VKORC1L1: variants seen among roughly 807,000 people sequenced by gnomAD.
The protein encoded by VKORC1L1 is vitamin K epoxide reductase complex subunit 1-like protein 1.
VKORC1L1 carries 2 observed loss-of-function variants against 18.9 expected under a neutral mutation model. The ratio of observed to expected loss-of-function variants is 0.11; its 90% CI spans 0.04 to 0.33. The LOEUF is 0.33. VKORC1L1 is among the 10% of genes least tolerant of loss of function. The probability of loss-of-function intolerance (pLI) is 1.00; values close to 1 mark genes in which losing one functional copy is unlikely to be tolerated. For missense variants in VKORC1L1, 123 were observed against 224.1 expected, an observed-to-expected ratio of 0.55 and a Z score of 2.88; for synonymous variants, 96 against 100.0, an observed-to-expected ratio of 0.96 and a Z score of 0.24.
chr7:65,920,870 AAAG>A (rs1298220521), intron 1 of VKORC1L1, among the ~76,000 whole-genome samples: 7 of 151,922 alleles, frequency 4.6e-5, no homozygotes, highest in Admixed American at 1.3e-4. Context: ...GGGAGGAAGA[AAAG>A]AAGGGAGAGA....
chr7:65,952,511 G>T (rs1034873393), intron 2 of VKORC1L1, among the ~76,000 whole-genome samples: 1 of 152,074 alleles, frequency 6.6e-6, no homozygotes, highest in Non-Finnish European at 1.5e-5. Flanking sequence ...CGGCCCACAG[G>T]CGTCTTCTTG....
chr7:65,873,347 AGGCGGCGGCGGC>A lies in VKORC1L1; in HGVS notation c.-16_-5del. The A allele has an allele frequency of 6.9e-7, 1 of 1,451,370 alleles. No homozygotes were observed. The highest frequency in any genetic ancestry group is 9.1e-7 in the Non-Finnish European group (1 of 1,102,278). The allele number at this position is 1,451,370 out of a possible 1,614,324, so 89.9% of individuals were successfully genotyped here. On this transcript the variant is annotated 5_prime_UTR_variant, in exon 1 of 3. Transcript: ENST00000360768. ...CGGCGGCTGAGGTGGAGGCGGAGGG[AGGCGGCGGCGGC>A]GGCGGCGGGAAGATGGCGGCTCCCG...
At chr7:65,949,287 C>T (rs1288639314) in intron 2 of VKORC1L1, among the ~76,000 whole-genome samples, 1 of 151,930 alleles carries the variant, frequency 6.6e-6, no homozygotes, top group Non-Finnish European at 1.5e-5. Flanking sequence ...CGAGACCAGC[C>T]TGGCCAACAT....
chr7:65,913,280 T>C (rs1320606273), intron 1 of VKORC1L1, among the ~76,000 whole-genome samples: 1 of 152,208 alleles, frequency 6.6e-6, no homozygotes, highest in East Asian at 1.9e-4. Flanking sequence ...GGTTCCCTTC[T>C]TTAGCACTGT....
chr7:65,890,484 G>A (rs1789094450), intron 1 of VKORC1L1, among the ~76,000 whole-genome samples: 1 of 151,842 alleles, frequency 6.6e-6, no homozygotes, highest in African/African-American at 2.4e-5. Context: ...GGCCAGGCTG[G>A]TCTCAAACTC....
chr7:65,918,743 A>G (rs2115609471), intron 1 of VKORC1L1, among the ~76,000 whole-genome samples: 1 of 152,292 alleles, frequency 6.6e-6, no homozygotes, highest in East Asian at 1.9e-4. Context: ...TAGCTGTGCA[A>G]TTTTTTCTCA....
rs80243694 is a variant in VKORC1L1 at position 65,929,062 on chromosome 7, C to T, written c.195-19609C>T. Among the ~76,000 whole-genome samples, 232 of 152,216 alleles carry T rather than the reference C, an allele frequency of 1.5e-3. 2 individuals carry two copies. Among genetic ancestry groups the T allele is most frequent in the East Asian group, 8.3e-3 (43 of 5,190 alleles). On this transcript the variant is annotated intron_variant, in intron 1 of 2. Transcript: ENST00000360768. ...GTGACTTGTTTGTTTAAATCTTTTGCCTTTAAACAAATTAGATTGTTTGTT... is the reference window on the plus strand; with the variant it reads ...GTGACTTGTTTGTTTAAATCTTTTGTCTTTAAACAAATTAGATTGTTTGTT...
chr7:65,870,890 T>C (rs1788718086), upstream of VKORC1L1, among the ~76,000 whole-genome samples: 1 of 151,784 alleles, frequency 6.6e-6, no homozygotes, highest in South Asian at 2.1e-4. Context: ...CCCCAAGCCC[T>C]CTGGGCTCAG....
chr7:65,934,879 C>T (rs1172255134), intron 1 of VKORC1L1, among the ~76,000 whole-genome samples: 1 of 151,854 alleles, frequency 6.6e-6, no homozygotes, highest in African/African-American at 2.4e-5. Context: ...ATAGTGAAAC[C>T]CCGTCTCTAC....
At chr7:65,948,314 A>G (rs1372805957) in intron 1 of VKORC1L1, among the ~76,000 whole-genome samples, 1 of 150,584 alleles carries the variant, frequency 6.6e-6, no homozygotes, top group African/African-American at 2.5e-5. Context: ...GTTAAGAGAC[A>G]GTGGACAACT....
intron 1 of VKORC1L1, among the ~76,000 whole-genome samples, chr7:65,915,097 T>C (rs1789565130): frequency 6.7e-6 from 1 of 149,652 alleles, no homozygotes; most frequent in African/African-American, 2.4e-5. Flanking sequence ...TTTTTTCTTT[T>C]TTTTTTTTTT....
Position 65,889,670 on chromosome 7 carries a change from G to A in VKORC1L1, c.194+16105G>A, listed in dbSNP as rs193205302. The stretch of plus-strand genomic sequence containing the variant: ...AAAGCCCTCCCTTAACTTTCCCCTA[G>A]TCAACTATATGCGTCCCCCTTCTCA... On this transcript the variant is annotated intron_variant, in intron 1 of 2. Transcript: ENST00000360768. Among the ~76,000 whole-genome samples the A allele has an allele frequency of 4.8e-4, 73 of 151,930 alleles. No homozygotes were observed. The East Asian group carries it at 7.6e-3, about 16-fold the overall frequency.
chr7:65,948,102 T>A (rs1396266504), intron 1 of VKORC1L1, among the ~76,000 whole-genome samples: 1 of 152,218 alleles, frequency 6.6e-6, no homozygotes, highest in African/African-American at 2.4e-5. Context: ...ACAACTTACA[T>A]TCTATGGTTT....
chr7:65,936,043 C>T (rs1789937210), intron 1 of VKORC1L1, among the ~76,000 whole-genome samples: 1 of 151,870 alleles, frequency 6.6e-6, no homozygotes, highest in South Asian at 2.1e-4. Flanking sequence ...TTTCAGCTCA[C>T]TGAATCTTCC....
chr7:65,945,081 T>C (rs1790096577), intron 1 of VKORC1L1, among the ~76,000 whole-genome samples: 1 of 151,288 alleles, frequency 6.6e-6, no homozygotes. Context: ...GCCAACATGG[T>C]GAAACCCCAT....
Position 65,959,106 on chromosome 7 carries a change from C to G in VKORC1L1, c.*4806C>G, listed in dbSNP as rs919096336. ...ATCACTTGAGGTCAGGAGTTCAAGA[C>G]CAGCCTGGCCAACATGGTGAAACCT... On this transcript the variant is annotated 3_prime_UTR_variant, in exon 3 of 3. Coordinates refer to ENST00000360768, the MANE Select transcript of VKORC1L1 (RefSeq NM_173517.6). The G allele has an allele frequency of 1.3e-5, 2 of 152,090 alleles. No homozygotes were observed. The highest frequency in any genetic ancestry group is 6.6e-5 in the Admixed American group (1 of 15,252). 9.4% of individuals were successfully genotyped at this position (152,090 alleles called of 1,614,324 possible). A position where few individuals can be genotyped will look rare whatever the true frequency, so the allele number is the denominator to read the frequency against.
rs1376189322 is a variant in VKORC1L1 at position 65,873,248 on chromosome 7, C to CGGCGGCGGTGGT, written c.-115_-104dup. On this transcript the variant is annotated 5_prime_UTR_variant, in exon 1 of 3. Transcript: ENST00000360768. ...CCGAGCCAATGGGGCGCGGCGGCGGCGGCGGCGGTGGTGGCGGCGGCGGCG... is the reference window on the plus strand; with the variant it reads ...CCGAGCCAATGGGGCGCGGCGGCGGCGGCGGCGGTGGTGGCGGCGGTGGTGGCGGCGGCGGCG... 1 of 974,332 alleles carries CGGCGGCGGTGGT rather than the reference C, an allele frequency of 1.0e-6. No individual in the cohort carries two copies. The highest frequency in any genetic ancestry group is 4.6e-5 in the South Asian group (1 of 21,950). The allele number at this position is 974,332 out of a possible 1,614,324, so 60.4% of individuals were successfully genotyped here. A position where few individuals can be genotyped will look rare whatever the true frequency, so the allele number is the denominator to read the frequency against.
chr7:65,920,996 AT>A (rs1789666654), intron 1 of VKORC1L1, among the ~76,000 whole-genome samples: 1 of 152,062 alleles, frequency 6.6e-6, no homozygotes, highest in Non-Finnish European at 1.5e-5. Context: ...TTAATCTTTG[AT>A]TTGTACTATT....
Position 65,956,057 on chromosome 7 carries a change from A to T in VKORC1L1, c.*1757A>T, listed in dbSNP as rs992776839. ...AAAAGAGAGCTTAAGTCAAGATTTC[A>T]TCAAGACTTGTGTTTTCCCATGAAT... On this transcript the variant is annotated 3_prime_UTR_variant, in exon 3 of 3. Coordinates refer to ENST00000360768, the MANE Select transcript of VKORC1L1 (RefSeq NM_173517.6). 1.3e-5 allele frequency: 2 copies of T among 152,232 alleles called. No homozygotes were observed. Among genetic ancestry groups the T allele is most frequent in the Admixed American group, 6.5e-5 (1 of 15,286 alleles). 9.4% of individuals were successfully genotyped at this position (152,232 alleles called of 1,614,324 possible). A position where few individuals can be genotyped will look rare whatever the true frequency, so the allele number is the denominator to read the frequency against.
Sources: gnomAD v4.1 joint callset for allele counts (sites outside exome capture counted in the v4.1 genomes callset) on GRCh38, gnomAD v4.1.1 for gene constraint, MANE v1.5 for transcripts, NCBI Gene and HGNC (gene_info 2026-07-23, HGNC 2026-07-21) for gene names.